EHBP1: variants seen among roughly 807,000 people sequenced by gnomAD.
EHBP1 encodes the protein EH domain binding protein 1, also known as EH domain-binding protein 1.
In EHBP1, 55 loss-of-function variants were observed where a neutral mutation model predicts 144.0. The observed-to-expected ratio is 0.38, with a 90% CI of 0.31 to 0.48. The LOEUF is 0.48. Among genes scored for constraint, EHBP1 ranks in the 20% least tolerant of loss-of-function variants. The pLI is 0.98. For missense variants in EHBP1, 1,200 were observed against 1,364.2 expected (o/e 0.88, Z 1.90); for synonymous variants, 469 against 472.7 (o/e 0.99, Z 0.10).
chr2:62,930,599 A>G lies in EHBP1; in HGVS notation c.1186-12119A>G, dbSNP rs531751943. Among the ~76,000 whole-genome samples, 30 of 152,290 alleles carry G rather than the reference A, an allele frequency of 2.0e-4. No individual in the cohort carries two copies. The East Asian group carries it at 4.8e-3, about 24-fold the overall frequency. Reference sequence around the variant, plus strand: ...CAAGCCTCGAAAAGAACAAGAGTGGAAGACTCACACTTTCTGATTTTAAAA... The same window carrying G: ...CAAGCCTCGAAAAGAACAAGAGTGGGAGACTCACACTTTCTGATTTTAAAA... On this transcript the variant is annotated intron_variant, in intron 10 of 22. Coordinates refer to ENST00000431489, the MANE Select transcript of EHBP1 (RefSeq NM_001142616.3).
intron 10 of EHBP1, among the ~76,000 whole-genome samples, chr2:62,910,272 C>A (rs1391023719): frequency 6.6e-6 from 1 of 152,008 alleles, no homozygotes; most frequent in Non-Finnish European, 1.5e-5. Context: ...TAGTTTGTAC[C>A]ATACTATAGT....
At chr2:62,777,013 C>T (rs2042096141) in intron 5 of EHBP1, among the ~76,000 whole-genome samples, 2 of 152,178 alleles carry the variant, frequency 1.3e-5, no homozygotes, top group South Asian at 4.1e-4. Flanking sequence ...CTTGCTCTGT[C>T]ACCCAGGCTA....
chr2:63,024,860 G>A (rs2060907214), intron 19 of EHBP1, among the ~76,000 whole-genome samples: 1 of 151,756 alleles, frequency 6.6e-6, no homozygotes, highest in African/African-American at 2.4e-5. Flanking sequence ...GCCAGACATG[G>A]TGGTGTGCAC....
chr2:62,987,933 G>A (rs747437850), intron 15 of EHBP1: 3 of 1,536,992 alleles, frequency 2.0e-6, no homozygotes, highest in Non-Finnish European at 2.7e-6. Flanking sequence ...TCCTACAGAT[G>A]AAAATGATAA....
chr2:62,831,700 T>G (rs2046833581), intron 7 of EHBP1, among the ~76,000 whole-genome samples: 1 of 152,338 alleles, frequency 6.6e-6, no homozygotes, highest in South Asian at 2.1e-4. Context: ...CAATAAATAT[T>G]TATTGACAAT....
intron 16 of EHBP1, among the ~76,000 whole-genome samples, chr2:62,992,487 A>ATG (rs2059453787): frequency 6.6e-6 from 1 of 152,222 alleles, no homozygotes; most frequent in Non-Finnish European, 1.5e-5. Context: ...TGCTTTAAAC[A>ATG]GCTTGCCTTT....
At chr2:63,013,521 C>A (rs1045831584) in intron 19 of EHBP1, among the ~76,000 whole-genome samples, 1 of 152,098 alleles carries the variant, frequency 6.6e-6, no homozygotes, top group Non-Finnish European at 1.5e-5. Flanking sequence ...CTTGAAACCC[C>A]CCCAAAAGAC....
chr2:62,752,019 C>G lies in EHBP1; in HGVS notation c.162+4567C>G, dbSNP rs141674811. Among the ~76,000 whole-genome samples the G allele has an allele frequency of 7.7e-3, 1,167 of 151,914 alleles. 18 individuals are homozygous for G. The highest frequency in any genetic ancestry group is 0.027 in the African/African-American group (1,098 of 41,400). ...TCTGATCTTAGTTATTTCTTGCCTTCTGCTAGCTTTTGAATGTGTTTGCTC... is the reference window on the plus strand; with the variant it reads ...TCTGATCTTAGTTATTTCTTGCCTTGTGCTAGCTTTTGAATGTGTTTGCTC... On this transcript the variant is annotated intron_variant, in intron 3 of 22. Coordinates refer to ENST00000431489, the MANE Select transcript of EHBP1 (RefSeq NM_001142616.3).
intron 1 of EHBP1, among the ~76,000 whole-genome samples, chr2:62,676,971 T>A (rs951162144): frequency 2.0e-5 from 3 of 152,186 alleles, no homozygotes; most frequent in African/African-American, 7.2e-5. Context: ...AAGACTAACC[T>A]GGGCAGCATA....
At chr2:63,010,937 T>A (rs1298818291) in intron 19 of EHBP1, among the ~76,000 whole-genome samples, 2 of 151,716 alleles carry the variant, frequency 1.3e-5, no homozygotes, top group Non-Finnish European at 3.0e-5. Context: ...TGTACCAGTA[T>A]GCAAATGTAT....
intron 20 of EHBP1, among the ~76,000 whole-genome samples, 166 bp downstream of exon 20, chr2:63,037,800 T>C (rs73934604): frequency 5.5e-4 from 83 of 152,210 alleles, no homozygotes; most frequent in African/African-American, 1.9e-3. Flanking sequence ...TTTCATCTTA[T>C]AAGAATTTTT....
At chr2:62,916,295 A>G (rs745938153) in intron 10 of EHBP1, among the ~76,000 whole-genome samples, 3 of 152,182 alleles carry the variant, frequency 2.0e-5, no homozygotes, top group Non-Finnish European at 4.4e-5. Context: ...ATTGGACTCT[A>G]TAAAAATTAA....
intron 13 of EHBP1, 122 bp from the exon 14 acceptor site, chr2:62,955,395 T>C: frequency 1.1e-6 from 1 of 927,420 alleles, no homozygotes; most frequent in Non-Finnish European, 1.6e-6. Flanking sequence ...GGTAATCTCA[T>C]GAAGCTACAA....
At chr2:62,875,024 C>T (rs1295640616) in intron 10 of EHBP1, among the ~76,000 whole-genome samples, 1 of 152,120 alleles carries the variant, frequency 6.6e-6, no homozygotes, top group Non-Finnish European at 1.5e-5. Context: ...CCTGCCACCC[C>T]GCCATTGCTG....
At chr2:62,873,294 A>G (rs1384784596) in intron 9 of EHBP1, among the ~76,000 whole-genome samples, 2 of 152,188 alleles carry the variant, frequency 1.3e-5, no homozygotes, top group East Asian at 1.9e-4. Context: ...TAGTAACTCA[A>G]ATCTTTGTAA....
At chr2:62,834,310 C>G (rs193047189) in intron 7 of EHBP1, among the ~76,000 whole-genome samples, 100 of 152,274 alleles carry the variant, frequency 6.6e-4, no homozygotes, top group African/African-American at 2.2e-3. Flanking sequence ...TTGCACGCTA[C>G]AGAGAAATTT....
intron 5 of EHBP1, among the ~76,000 whole-genome samples, chr2:62,786,349 A>T (rs1038401779): frequency 3.9e-5 from 6 of 152,132 alleles, no homozygotes; most frequent in African/African-American, 1.4e-4. Flanking sequence ...AAGAATGACT[A>T]TTCTAGCTCT....
intron 2 of EHBP1, 47 bp from the exon 3 acceptor site, chr2:62,747,346 CTT>C: frequency 1.3e-6 from 2 of 1,563,426 alleles, no homozygotes; most frequent in Non-Finnish European, 1.7e-6. Flanking sequence ...TAAAATGAAA[CTT>C]TATTTATTTA....
intron 5 of EHBP1, among the ~76,000 whole-genome samples, chr2:62,781,454 G>A (rs949206883): frequency 1.3e-5 from 2 of 152,110 alleles, no homozygotes; most frequent in Non-Finnish European, 2.9e-5. Context: ...AAAATAATAT[G>A]TTTGATTATT....
Sources: gnomAD v4.1 joint callset for allele counts (sites outside exome capture counted in the v4.1 genomes callset) on GRCh38, gnomAD v4.1.1 for gene constraint, MANE v1.5 for transcripts, NCBI Gene and HGNC (gene_info 2026-07-23, HGNC 2026-07-21) for gene names.